TRIO: variants seen among roughly 807,000 people sequenced by gnomAD.
The protein encoded by TRIO is triple functional domain protein.
Under a neutral mutation model 351.9 loss-of-function variants are expected in TRIO, and 58 were observed. That is an observed-to-expected ratio of 0.16 (90% confidence interval 0.13 to 0.21). The LOEUF (loss-of-function observed/expected upper bound fraction) is 0.21, where lower values mean the gene tolerates loss of function less well. TRIO is among the 10% of genes least tolerant of loss of function. The pLI, the probability that TRIO is intolerant of heterozygous loss-of-function variation, is 1.00. For synonymous variants in TRIO, 1,758 were observed against 1,595.7 expected (o/e 1.10, Z -2.42); for missense variants, 3,201 against 4,027.8 (o/e 0.79, Z 5.56).
At chr5:14,166,041 A>T (rs1295553638) in intron 1 of TRIO, among the ~76,000 whole-genome samples, 1 of 152,182 alleles carries the variant, frequency 6.6e-6, no homozygotes, top group Non-Finnish European at 1.5e-5. Context: ...TGACCACTTA[A>T]GAGTGACGGT....
Position 14,340,241 on chromosome 5 carries a change from A to C in TRIO, c.2046+3514A>C, listed in dbSNP as rs559823364. On this transcript the variant is annotated intron_variant, in intron 11 of 56. Transcript: ENST00000344204. ...GAAACCCCGTCTCTACTAAAAATAC[A>C]AAAAAATTAGCCAGGCGTGGTGGCG... 3.5e-3 allele frequency among the ~76,000 whole-genome samples: 525 copies of C among 151,924 alleles called. 1 individual carries two copies. The highest frequency in any genetic ancestry group is 5.0e-3 in the Non-Finnish European group (339 of 67,914).
At chr5:14,226,994 C>G (rs1793087008) in intron 1 of TRIO, among the ~76,000 whole-genome samples, 1 of 151,908 alleles carries the variant, frequency 6.6e-6, no homozygotes. Context: ...GTCCTCCAAA[C>G]AGGGAAAAAC....
At chr5:14,209,497 T>G (rs1240784323) in intron 1 of TRIO, among the ~76,000 whole-genome samples, 1 of 152,220 alleles carries the variant, frequency 6.6e-6, no homozygotes, top group East Asian at 1.9e-4. Context: ...GTAAATAGTT[T>G]AGTGTAATGT....
rs574588486 is a variant in TRIO at position 14,153,886 on chromosome 5, C to G, written c.157+10004C>G. On this transcript the variant is annotated intron_variant, in intron 1 of 56. Transcript: ENST00000344204. ...TATACTCGTGTGTTAAGGATCAAAG[C>G]TATAATTTACAAGTCTCACACCAAA... is the stretch of plus-strand genomic sequence containing the variant. 2.4e-4 allele frequency among the ~76,000 whole-genome samples: 37 copies of G among 152,254 alleles called. No homozygotes were observed. The South Asian group carries it at 7.5e-3, about 31-fold the overall frequency.
chr5:14,414,241 C>T lies in TRIO; in HGVS notation c.4960-5537C>T, dbSNP rs531740723. ...CACAGGGCCGCCTGTGGGGCCTGCA[C>T]GGCACCTCCGGCATTTCTCACTGGG... On this transcript the variant is annotated intron_variant, in intron 33 of 56. Coordinates refer to ENST00000344204, the MANE Select transcript of TRIO (RefSeq NM_007118.4). Among the ~76,000 whole-genome samples the T allele has an allele frequency of 3.9e-5, 6 of 152,374 alleles. No homozygotes were observed. The East Asian group carries it at 5.8e-4, about 15-fold the overall frequency.
At chr5:14,507,349 G>C in intron 56 of TRIO, 89 bp downstream of exon 56, 1 of 1,553,604 alleles carries the variant, frequency 6.4e-7, no homozygotes, top group Admixed American at 2.1e-5. Flanking sequence ...GCCAGGCCAG[G>C]AGCCCCCAAG....
chr5:14,500,862 C>T (rs551045920), intron 53 of TRIO, among the ~76,000 whole-genome samples: 1 of 139,864 alleles, frequency 7.1e-6, no homozygotes, highest in African/African-American at 2.7e-5. Context: ...GCGCTCCATC[C>T]TGGGTGACAG....
At chr5:14,211,979 A>T (rs1791936749) in intron 1 of TRIO, among the ~76,000 whole-genome samples, 2 of 151,182 alleles carry the variant, frequency 1.3e-5, no homozygotes, top group African/African-American at 4.9e-5. Context: ...AAACAAAAAC[A>T]AACAAACAAA....
At position 14,399,030 on chromosome 5, in the gene TRIO, C is replaced by G; in HGVS notation, c.4574C>G (p.Ser1525Cys). 1.9e-6 allele frequency: 3 copies of G among 1,614,050 alleles called. No homozygotes were observed. The highest frequency in any genetic ancestry group is 2.2e-5 in the South Asian group (2 of 91,072). The change falls in exon 30 of 57, where the codon TCC becomes TGC. Residue 1525 changes from serine to cysteine, a missense_variant. Ser to Cys is a moderately radical substitution (Grantham distance 112). Around this residue, in one of 19 missense-constraint regions of TRIO, gnomAD observed 136 missense variants for 229.5 expected, o/e 0.59. Transcript: ENST00000344204. ...GTATTTAGTAAAGAAGTGAAAGATTCCAGTGGGAGAAGCAAGTACCTTTAT... is the reference window on the plus strand; with the variant it reads ...GTATTTAGTAAAGAAGTGAAAGATTGCAGTGGGAGAAGCAAGTACCTTTAT... ...SLVFSKEVKD[S>C]SGRSKYLYKS...
chr5:14,212,964 C>G (rs936919988), intron 1 of TRIO, among the ~76,000 whole-genome samples: 6 of 152,114 alleles, frequency 3.9e-5, no homozygotes, highest in African/African-American at 1.4e-4. Context: ...GACTCATGGC[C>G]GGATCTGATT....
intron 53 of TRIO, 67 bp from the exon 54 acceptor site, chr5:14,502,512 G>A (rs1757367718): frequency 6.4e-7 from 1 of 1,551,448 alleles, no homozygotes; most frequent in Admixed American, 1.7e-5. Flanking sequence ...ACAGTGCGTG[G>A]CGATAGCCTT....
Position 14,504,577 on chromosome 5 carries a change from A to G in TRIO, c.8596A>G (p.Ile2866Val). The G allele has an allele frequency of 1.2e-6, 2 of 1,613,858 alleles. No individual in the cohort carries two copies. Among genetic ancestry groups the G allele is most frequent in the Non-Finnish European group, 1.7e-6 (2 of 1,179,956 alleles). The change falls in exon 55 of 57, where the codon ATC (isoleucine) becomes GTC (valine). Residue 2866 changes from isoleucine to valine, a missense_variant. Physicochemically the swap from Ile to Val is conservative, Grantham distance 29 (BLOSUM62 3). This residue lies in a region of TRIO where 1,089 missense variants were observed against 954.9 expected (regional missense o/e 1.14). Transcript: ENST00000344204. ...LDTFETPTSYILVLEMADQGR... is the reference protein window; with the variant it reads ...LDTFETPTSYVLVLEMADQGR... ...CACCTTTGAGACCCCCACCAGCTAC[A>G]TCCTGGTCTTAGAAATGTGCGTACA...
rs1421941634 is a variant in TRIO at position 14,461,045 on chromosome 5, G to A, written c.5230G>A (p.Ala1744Thr). 2.5e-6 allele frequency: 4 copies of A among 1,582,362 alleles called. No individual in the cohort carries two copies. Among genetic ancestry groups the A allele is most frequent in the South Asian group, 1.2e-5 (1 of 86,550 alleles). The change falls in exon 35 of 57, where the codon GCC (alanine) becomes ACC (threonine). Residue 1744 changes from alanine (A) to threonine (T), a missense_variant. Physicochemically the swap from Ala to Thr is moderately conservative, Grantham distance 58 (BLOSUM62 0). This residue lies in a region of TRIO where 193 missense variants were observed against 218.8 expected (regional missense o/e 0.88). Transcript: ENST00000344204. ...KDSLSVSSND[A>T]SPPASVASLQ... ...CTCGCTCTCCGTCTCCAGCAATGAC[G>A]CCAGTCCACCCGCATCCGTGGCTTC... is the stretch of plus-strand genomic sequence containing the variant.
At chr5:14,484,990 C>G in intron 46 of TRIO, 79 bp from the exon 47 acceptor site, 1 of 1,380,598 alleles carries the variant, frequency 7.2e-7, no homozygotes, top group Non-Finnish European at 9.6e-7. Context: ...TTTCTTTGTC[C>G]ATTCATCGGT....
intron 1 of TRIO, among the ~76,000 whole-genome samples, chr5:14,196,649 C>A (rs1055271846): frequency 7.2e-5 from 11 of 152,132 alleles, no homozygotes; most frequent in Non-Finnish European, 1.5e-4. Flanking sequence ...CCTGTGCTCT[C>A]CCCGTTTCTT....
chr5:14,392,603 A>G (rs1477845354), intron 27 of TRIO, among the ~76,000 whole-genome samples: 1 of 152,264 alleles, frequency 6.6e-6, no homozygotes, highest in African/African-American at 2.4e-5. Context: ...ATTATAAATC[A>G]TTCTACTATA....
chr5:14,300,971 G>T (rs1384079689), intron 7 of TRIO, among the ~76,000 whole-genome samples: 1 of 152,150 alleles, frequency 6.6e-6, no homozygotes, highest in Non-Finnish European at 1.5e-5. Context: ...CTGAGGCTCC[G>T]TCAAGAGGTG....
At chr5:14,271,347 C>T (rs980910192) in intron 2 of TRIO, among the ~76,000 whole-genome samples, 2 of 152,152 alleles carry the variant, frequency 1.3e-5, no homozygotes, top group African/African-American at 4.8e-5. Context: ...AGATCTGCTC[C>T]TTTGTGGCTC....
At chr5:14,488,362 T>C in intron 48 of TRIO, 102 bp downstream of exon 48, 4 of 1,457,222 alleles carry the variant, frequency 2.7e-6, no homozygotes, top group Non-Finnish European at 3.6e-6. Flanking sequence ...TGCCCAGCGC[T>C]CTCCGCCGCC....
Sources: allele counts gnomAD v4.1 joint callset (sites outside exome capture counted in the v4.1 genomes callset), GRCh38; gene constraint gnomAD v4.1.1; regional missense constraint gnomAD v4.1.1; transcripts MANE v1.5; gene names NCBI Gene and HGNC (gene_info 2026-07-23, HGNC 2026-07-21).